MEGF10: variants seen among roughly 807,000 people sequenced by gnomAD.
MEGF10 encodes multiple EGF like domains 10.
MEGF10 carries 86 observed loss-of-function variants against 147.5 expected under a neutral mutation model. The observed-to-expected ratio is 0.58, with a 90% confidence interval of 0.49 to 0.70. The LOEUF (loss-of-function observed/expected upper bound fraction) is 0.70, where lower values mean the gene tolerates loss of function less well. Among genes scored for constraint, MEGF10 ranks in the 30% least tolerant of loss-of-function variants. MEGF10 has a pLI of 0.00. For missense variants in MEGF10, 1,329 were observed against 1,487.3 expected, an observed-to-expected ratio of 0.89 and a Z score of 1.75; for synonymous variants, 478 against 525.5, an observed-to-expected ratio of 0.91 and a Z score of 1.24.
the MEGF10 span, among the ~76,000 whole-genome samples, chr5:127,272,491 AGAATT>A: frequency 6.6e-6 from 1 of 152,210 alleles, no homozygotes; most frequent in Non-Finnish European, 1.5e-5. Context: ...TAATGGAAAT[AGAATT>A]GAATCTGTAG....
the MEGF10 span, among the ~76,000 whole-genome samples, chr5:127,255,278 A>C: frequency 1.3e-5 from 2 of 152,164 alleles, no homozygotes; most frequent in African/African-American, 2.4e-5. Context: ...GGAAGTCACA[A>C]ATCTTGTGAC....
intron 5 of MEGF10, among the ~76,000 whole-genome samples, chr5:127,380,329 A>G (rs1763202648): frequency 1.3e-5 from 2 of 152,074 alleles, no homozygotes; most frequent in South Asian, 4.2e-4. Context: ...TTGATAGAGG[A>G]GCTGAAGTAT....
rs768521591 is a variant in MEGF10 at position 127,339,132 on chromosome 5, T to G, written c.129T>G (p.Thr43=). The G allele has an allele frequency of 1.9e-6, 3 of 1,600,632 alleles. No homozygotes were observed. The highest frequency in any genetic ancestry group is 2.6e-6 in the Non-Finnish European group (3 of 1,171,146). The change falls in exon 3 of 25, where the codon ACT becomes ACG. Residue 43 remains threonine, a synonymous_variant. Coordinates refer to ENST00000503335, the MANE Select transcript of MEGF10 (RefSeq NM_001256545.2). ...CATTTCTTTTCAGCTACTCAGTGAC[T>G]GTGCAAGAGTCATACCCACATCCCT... ...VCSHWESYSV[T]VQESYPHPFD...
chr5:127,457,309 C>T lies in MEGF10; in HGVS notation c.3414C>T (p.Ser1138=). Residue 1138 remains serine (S), a synonymous_variant, in exon 25 of 25, where the codon AGC becomes AGT. Transcript: ENST00000503335. ...GTAGCAGCAGCAACAGCAGCAGCAG[C>T]AGTGAATGACACCAAAGGACCGCTT... ...SGGSSSNSSS[S]SE 6.2e-7 allele frequency: 1 copy of T among 1,612,596 alleles called. No homozygotes were observed. The highest frequency in any genetic ancestry group is 8.5e-7 in the Non-Finnish European group (1 of 1,179,596).
At chr5:127,271,548 C>G in the MEGF10 span, among the ~76,000 whole-genome samples, 2 of 151,934 alleles carry the variant, frequency 1.3e-5, no homozygotes, top group Non-Finnish European at 2.9e-5. Context: ...GTGTCCTCAC[C>G]AAAATCTCAT....
intron 1 of MEGF10, among the ~76,000 whole-genome samples, chr5:127,312,666 A>G (rs1448118528): frequency 6.6e-6 from 1 of 152,202 alleles, no homozygotes; most frequent in Non-Finnish European, 1.5e-5. Flanking sequence ...TTTGCACTCC[A>G]ATACCAAACC....
intron 22 of MEGF10, among the ~76,000 whole-genome samples, chr5:127,451,096 C>G (rs1363417997): frequency 6.6e-6 from 1 of 152,192 alleles, no homozygotes; most frequent in Non-Finnish European, 1.5e-5. Flanking sequence ...GGTGGACTCT[C>G]TCCTGTGAAT....
chr5:127,266,038 T>A, the MEGF10 span, among the ~76,000 whole-genome samples: 1 of 151,828 alleles, frequency 6.6e-6, no homozygotes, highest in Non-Finnish European at 1.5e-5. Flanking sequence ...TTCTTCTAGG[T>A]TTTTTATGGT....
chr5:127,367,459 T>C (rs1028870315), intron 4 of MEGF10, among the ~76,000 whole-genome samples: 31 of 152,156 alleles, frequency 2.0e-4, no homozygotes, highest in African/African-American at 5.8e-4. Flanking sequence ...ATAAAAACAA[T>C]TTAAGTAGTA....
chr5:127,252,383 A>G, the MEGF10 span, among the ~76,000 whole-genome samples: 1 of 152,038 alleles, frequency 6.6e-6, no homozygotes, highest in East Asian at 1.9e-4. Context: ...CTCATAGTAG[A>G]AGAGTAGTTA....
chr5:127,295,508 C>T (rs146045675), intron 1 of MEGF10, among the ~76,000 whole-genome samples: 2 of 152,168 alleles, frequency 1.3e-5, no homozygotes, highest in African/African-American at 4.8e-5. Context: ...ATTTCCCATT[C>T]ACTTTTTTGT....
chr5:127,275,599 T>C, the MEGF10 span, among the ~76,000 whole-genome samples: 2 of 152,182 alleles, frequency 1.3e-5, no homozygotes, highest in Non-Finnish European at 2.9e-5. Context: ...ATCATGTGAA[T>C]TTATCTTTAA....
chr5:127,233,919 C>T, the MEGF10 span, among the ~76,000 whole-genome samples: 1 of 152,152 alleles, frequency 6.6e-6, no homozygotes, highest in Non-Finnish European at 1.5e-5. Context: ...ATTACATTAA[C>T]TTTGAAAGCT....
chr5:127,259,446 A>G, the MEGF10 span, among the ~76,000 whole-genome samples: 1 of 151,800 alleles, frequency 6.6e-6, no homozygotes. Flanking sequence ...CAAAGGGGGG[A>G]GAGTGTGGTC....
the MEGF10 span, among the ~76,000 whole-genome samples, chr5:127,250,834 GA>G: frequency 6.6e-6 from 1 of 151,068 alleles, no homozygotes; most frequent in African/African-American, 2.4e-5. Context: ...AATTAACATA[GA>G]AAAAAATCAA....
At chr5:127,270,817 G>C in the MEGF10 span, among the ~76,000 whole-genome samples, 1 of 152,224 alleles carries the variant, frequency 6.6e-6, no homozygotes, top group East Asian at 1.9e-4. Context: ...GAGAACATGC[G>C]GTATTTGGTT....
chr5:127,441,783 G>C (rs1014420774), intron 18 of MEGF10, among the ~76,000 whole-genome samples: 1 of 152,032 alleles, frequency 6.6e-6, no homozygotes. Context: ...AGGATAGCAG[G>C]ACTCTGACAA....
chr5:127,309,976 T>TCTTTCTTTCTTC (rs1760199408), intron 1 of MEGF10, among the ~76,000 whole-genome samples: 1 of 71,128 alleles, frequency 1.4e-5, no homozygotes, highest in Admixed American at 1.3e-4. Flanking sequence ...TTTCTTTCTT[T>TCTTTCTTTCTTC]CTTTCTTTCT....
In MEGF10 at chr5:127,449,222, G is replaced by C. The variant is rs559266378; in HGVS notation, c.2980G>C (p.Gly994Arg). 6.2e-7 allele frequency: 1 copy of C among 1,613,296 alleles called. No homozygotes were observed. The highest frequency in any genetic ancestry group is 1.3e-5 in the African/African-American group (1 of 74,984). ...WKHGGYLNEL[G>R]AFGLDRSYMG... ...ACATGGCGGCTACCTCAACGAGCTCGGTGAGTTCTCCCAACGCACGTCCCC... is the reference window on the plus strand; with the variant it reads ...ACATGGCGGCTACCTCAACGAGCTCCGTGAGTTCTCCCAACGCACGTCCCC... Residue 994 changes from glycine to arginine, a missense_variant and splice_region_variant, in exon 22 of 25, where the codon GGT (glycine) becomes CGT (arginine). This residue lies in a region of MEGF10 where 343 missense variants were observed against 377.9 expected (regional missense o/e 0.91). Coordinates refer to ENST00000503335, the MANE Select transcript of MEGF10 (RefSeq NM_001256545.2).
Sources: gnomAD v4.1 joint callset for allele counts (sites outside exome capture counted in the v4.1 genomes callset) on GRCh38, gnomAD v4.1.1 for gene constraint, gnomAD v4.1.1 regional missense constraint, MANE v1.5 for transcripts, NCBI Gene and HGNC (gene_info 2026-07-23, HGNC 2026-07-21) for gene names.